The following DDX6 variants were observed in gnomAD, a reference collection of about 807,000 sequenced individuals.
The protein encoded by DDX6 is probable ATP-dependent RNA helicase DDX6.
Under a neutral mutation model 60.6 loss-of-function variants are expected in DDX6, and 7 were observed. That is an observed-to-expected ratio of 0.12 (90% CI 0.07 to 0.22). The LOEUF is 0.22. Among genes scored for constraint, DDX6 ranks in the 10% least tolerant of loss-of-function variants. The pLI is 1.00. For missense variants in DDX6, 270 were observed against 589.9 expected (o/e 0.46, Z 5.62); for synonymous variants, 207 against 201.0 (o/e 1.03, Z -0.25).
rs182242421 is a variant in DDX6 at position 118,748,181 on chromosome 11, C to A, written c.*3924G>T. The A allele has an allele frequency of 6.6e-6, 1 of 152,120 alleles. No homozygotes were observed. The highest frequency in any genetic ancestry group is 1.5e-5 in the Non-Finnish European group (1 of 68,026). The allele number at this position is 152,120 out of a possible 1,614,324, so 9.4% of individuals were successfully genotyped here. A position where few individuals can be genotyped will look rare whatever the true frequency, so the allele number is the denominator to read the frequency against. On this transcript the variant is annotated 3_prime_UTR_variant, in exon 14 of 14. Transcript: ENST00000534980. ...GTATCTTAATAACCCAGCCCTACCC[C>A]CTCCCTTACCCAGCATTGTCTACTG... is the stretch of plus-strand genomic sequence containing the variant.
At chr11:118,771,800 TAGGCA>T in intron 4 of DDX6, among the ~76,000 whole-genome samples, 1 of 152,350 alleles carries the variant, frequency 6.6e-6, no homozygotes, top group African/African-American at 2.4e-5. Flanking sequence ...ACATAACATG[TAGGCA>T]AGAAGTTGGA....
intron 3 of DDX6, among the ~76,000 whole-genome samples, chr11:118,780,433 TCAG>T (rs1555164458): frequency 6.6e-6 from 1 of 152,134 alleles, no homozygotes; most frequent in African/African-American, 2.4e-5. Flanking sequence ...TTCTCCTGTC[TCAG>T]CCTCCTGAGC....
intron 7 of DDX6, among the ~76,000 whole-genome samples, 162 bp from the exon 8 acceptor site, chr11:118,760,206 G>A (rs1861117061): frequency 6.6e-6 from 1 of 152,144 alleles, no homozygotes; most frequent in Admixed American, 6.5e-5. Flanking sequence ...AGTCAAATAT[G>A]CAGAAGGGGG....
chr11:118,777,586 A>G (rs1376839616), intron 4 of DDX6, among the ~76,000 whole-genome samples: 1 of 152,114 alleles, frequency 6.6e-6, no homozygotes, highest in Non-Finnish European at 1.5e-5. Context: ...CTGCATCATG[A>G]TATGTCAAAA....
chr11:118,787,393 CA>C (rs1862109884), intron 1 of DDX6: 3 of 152,158 alleles, frequency 2.0e-5, no homozygotes, highest in Admixed American at 6.6e-5. Flanking sequence ...TGCTTGAACC[CA>C]GGAGGCGGAG....
chr11:118,791,642 G>A (rs1862279964), upstream of DDX6: 1 of 152,142 alleles, frequency 6.6e-6, no homozygotes, highest in Non-Finnish European at 1.5e-5. Context: ...GCTGGCCGGG[G>A]AGGCTGATGC....
At chr11:118,788,883 G>A (rs1395498772) in intron 1 of DDX6, 1 of 152,030 alleles carries the variant, frequency 6.6e-6, no homozygotes, top group South Asian at 2.1e-4. Flanking sequence ...GTGTTATCAA[G>A]TTGGCCAGGC....
At chr11:118,754,962 G>A in intron 12 of DDX6, 75 bp from the exon 13 acceptor site, 6 of 1,264,218 alleles carry the variant, frequency 4.7e-6, no homozygotes, top group Non-Finnish European at 6.5e-6. Flanking sequence ...TCAAGCAGTG[G>A]CAAAACCACA....
At chr11:118,753,843 G>C (rs141892015) in intron 13 of DDX6, among the ~76,000 whole-genome samples, 324 of 152,140 alleles carry the variant, frequency 2.1e-3, no homozygotes, top group African/African-American at 7.5e-3. Flanking sequence ...TGTAATCCCA[G>C]CCTCCCTTTA....
At chr11:118,784,194 T>C (rs1861998404) in intron 2 of DDX6, among the ~76,000 whole-genome samples, 1 of 152,064 alleles carries the variant, frequency 6.6e-6, no homozygotes, top group Non-Finnish European at 1.5e-5. Context: ...TTCATTTCTA[T>C]ACCAATTAAA....
In DDX6 at chr11:118,754,152, T is replaced by C. The variant is rs117136597; in HGVS notation, c.*7+553A>G. ...AACTGTCAAAAAAGGCCAGGCACAG[T>C]GGCACAGTGGCTTGCGCCTATAATC... On this transcript the variant is annotated intron_variant, in intron 13 of 13. Transcript: ENST00000534980. Among the ~76,000 whole-genome samples the C allele has an allele frequency of 3.2e-4, 48 of 152,296 alleles. No homozygotes were observed. The East Asian group carries it at 6.6e-3, about 21-fold the overall frequency.
Position 118,759,068 on chromosome 11 carries a change from C to T in DDX6, c.865-166G>A, listed in dbSNP as rs1358601158. On this transcript the variant is annotated intron_variant, in intron 8 of 13. Transcript: ENST00000534980. ...GATCTGTCATTACAGAATTTCCCCCCTGCCACCCTGAGACAAAATCTTGCT... is the reference window on the plus strand; with the variant it reads ...GATCTGTCATTACAGAATTTCCCCCTTGCCACCCTGAGACAAAATCTTGCT... 3.4e-6 allele frequency: 3 copies of T among 887,998 alleles called. No homozygotes were observed. In the East Asian group the frequency reaches 9.6e-5, roughly 28 times the overall value. 55.0% of individuals were successfully genotyped at this position (887,998 alleles called of 1,614,324 possible).
At chr11:118,779,927 C>G (rs1861832951) in intron 3 of DDX6, among the ~76,000 whole-genome samples, 191 bp from the exon 4 acceptor site, 1 of 151,888 alleles carries the variant, frequency 6.6e-6, no homozygotes, top group Admixed American at 6.6e-5. Flanking sequence ...ACCAGCCTAG[C>G]CAACATGGTG....
intron 2 of DDX6, among the ~76,000 whole-genome samples, chr11:118,783,568 C>T (rs1440620161): frequency 6.6e-6 from 1 of 151,662 alleles, no homozygotes; most frequent in Non-Finnish European, 1.5e-5. Flanking sequence ...TCTGGGAGGC[C>T]GAGGCAGGCA....
rs187853998 is a variant in DDX6, at chr11:118,766,579, A to G, written c.500-1224T>C. Among the ~76,000 whole-genome samples the G allele has an allele frequency of 4.6e-5, 7 of 152,264 alleles. No individual in the cohort carries two copies. The East Asian group carries it at 1.3e-3, about 29-fold the overall frequency. On this transcript the variant is annotated intron_variant, in intron 5 of 13. Coordinates refer to ENST00000534980, the MANE Select transcript of DDX6 (RefSeq NM_004397.6). ...GACTCTCCCTCAGCAATACTATTAT[A>G]TAAATATTAAACTCTTCCTCTTCTT... is the stretch of plus-strand genomic sequence containing the variant.
At chr11:118,759,672 A>G (rs1193013307) in intron 8 of DDX6, among the ~76,000 whole-genome samples, 2 of 152,228 alleles carry the variant, frequency 1.3e-5, no homozygotes, top group Non-Finnish European at 2.9e-5. Context: ...GCTAGCACCA[A>G]TGGCTATGTC....
chr11:118,773,876 AAAAC>A (rs1453034378), intron 4 of DDX6, among the ~76,000 whole-genome samples: 30 of 151,540 alleles, frequency 2.0e-4, no homozygotes, highest in African/African-American at 4.1e-4. Context: ...AAAAAAAAAC[AAAAC>A]AAACAAACAA....
At chr11:118,762,101 C>T (rs1186288328) in intron 7 of DDX6, among the ~76,000 whole-genome samples, 5 of 151,774 alleles carry the variant, frequency 3.3e-5, no homozygotes, top group South Asian at 2.1e-4. Context: ...ATTGCAAAAC[C>T]GCGCCTCTAC....
intron 6 of DDX6, among the ~76,000 whole-genome samples, chr11:118,764,283 A>G (rs1861274332): frequency 6.6e-6 from 1 of 152,158 alleles, no homozygotes; most frequent in Admixed American, 6.6e-5. Context: ...ACCTTTTTCC[A>G]CTCGGCAATG....
Sources: allele counts gnomAD v4.1 joint callset (sites outside exome capture counted in the v4.1 genomes callset), GRCh38; gene constraint gnomAD v4.1.1; transcripts MANE v1.5; gene names NCBI Gene and HGNC (gene_info 2026-07-23, HGNC 2026-07-21).